Variants in SAMD12 observed in about 807,000 individuals in gnomAD.
SAMD12 encodes sterile alpha motif domain-containing protein 12.
In SAMD12, 9 loss-of-function variants were observed where a neutral mutation model predicts 15.0. The ratio of observed to expected loss-of-function variants is 0.60; its 90% CI spans 0.36 to 1.05. The LOEUF is 1.05. Among genes scored for constraint, SAMD12 ranks in the 50% least tolerant of loss-of-function variants. SAMD12 has a pLI of 0.01. For synonymous variants in SAMD12, 86 were observed against 90.1 expected, an observed-to-expected ratio of 0.96 and a Z score of 0.25; for missense variants, 230 against 234.2, an observed-to-expected ratio of 0.98 and a Z score of 0.12.
intron 1 of SAMD12, among the ~76,000 whole-genome samples, chr8:118,588,626 G>C (rs996464784): frequency 1.3e-5 from 2 of 152,154 alleles, no homozygotes; most frequent in Non-Finnish European, 2.9e-5. Flanking sequence ...CACAGACCAC[G>C]TGGCCTGCAA....
intron 4 of SAMD12, among the ~76,000 whole-genome samples, chr8:118,335,988 C>T (rs184155969): frequency 4.6e-5 from 7 of 152,206 alleles, no homozygotes; most frequent in Admixed American, 1.3e-4. Flanking sequence ...CCTCTGAAAG[C>T]GCTGGGATTA....
chr8:118,420,763 C>T (rs1448664731), intron 3 of SAMD12, among the ~76,000 whole-genome samples: 1 of 152,008 alleles, frequency 6.6e-6, no homozygotes, highest in African/African-American at 2.4e-5. Context: ...AAAAAAGTAG[C>T]ACATTTTTAG....
the SAMD12 span, among the ~76,000 whole-genome samples, chr8:118,152,274 A>C: frequency 6.6e-6 from 1 of 152,198 alleles, no homozygotes; most frequent in African/African-American, 2.4e-5. Flanking sequence ...TCCCCAGAAC[A>C]CAGAACTAGC....
intron 2 of SAMD12, among the ~76,000 whole-genome samples, chr8:118,481,018 C>G (rs1421638853): frequency 1.3e-5 from 2 of 152,248 alleles, no homozygotes; most frequent in Non-Finnish European, 2.9e-5. Flanking sequence ...TCTTGGCTCA[C>G]TGCATCCTCT....
At chr8:118,368,384 C>T (rs1487850929) in intron 4 of SAMD12, among the ~76,000 whole-genome samples, 3 of 152,202 alleles carry the variant, frequency 2.0e-5, no homozygotes, top group Non-Finnish European at 4.4e-5. Context: ...CCATTAGCCG[C>T]TGAGCTCATG....
chr8:118,276,031 G>A (rs972424478), intron 4 of SAMD12, among the ~76,000 whole-genome samples: 7 of 152,138 alleles, frequency 4.6e-5, no homozygotes, highest in African/African-American at 7.2e-5. Context: ...GAGTGCATGT[G>A]TATACAAAAT....
intron 2 of SAMD12, among the ~76,000 whole-genome samples, chr8:118,540,321 T>C (rs1002848171): frequency 1.3e-5 from 2 of 152,172 alleles, no homozygotes; most frequent in Admixed American, 1.3e-4. Context: ...CATTAGTAAT[T>C]TTTTAATTAT....
chr8:118,473,111 G>C (rs977915079), intron 2 of SAMD12, among the ~76,000 whole-genome samples: 1 of 152,094 alleles, frequency 6.6e-6, no homozygotes, highest in Non-Finnish European at 1.5e-5. Flanking sequence ...AAGGTATGTC[G>C]CTCCCTGCCT....
At chr8:118,141,482 A>G in the SAMD12 span, among the ~76,000 whole-genome samples, 1 of 152,222 alleles carries the variant, frequency 6.6e-6, no homozygotes, top group Admixed American at 6.5e-5. Context: ...CTGATAAATA[A>G]CAGAATCAAA....
intron 2 of SAMD12, among the ~76,000 whole-genome samples, chr8:118,522,421 C>T (rs1291521890): frequency 6.6e-6 from 1 of 152,088 alleles, no homozygotes; most frequent in Non-Finnish European, 1.5e-5. Flanking sequence ...ATGTATCAAA[C>T]TGAATTAAGA....
chr8:118,293,373 T>G (rs1814523395), intron 4 of SAMD12, among the ~76,000 whole-genome samples: 1 of 152,226 alleles, frequency 6.6e-6, no homozygotes, highest in Admixed American at 6.5e-5. Context: ...GAAAGTTACT[T>G]TGATGGTTAC....
At chr8:118,443,702 G>C (rs1367637377) in intron 2 of SAMD12, among the ~76,000 whole-genome samples, 1 of 152,150 alleles carries the variant, frequency 6.6e-6, no homozygotes, top group Admixed American at 6.5e-5. Flanking sequence ...AGTTACCCCA[G>C]TCTGCTGCTT....
chr8:118,326,348 C>T (rs1257313253), intron 4 of SAMD12, among the ~76,000 whole-genome samples: 2 of 152,038 alleles, frequency 1.3e-5, no homozygotes, highest in Non-Finnish European at 2.9e-5. Flanking sequence ...CTAAAAGAAG[C>T]CAAAAACTCA....
At chr8:118,314,351 C>T (rs1050308582) in intron 4 of SAMD12, among the ~76,000 whole-genome samples, 1 of 151,828 alleles carries the variant, frequency 6.6e-6, no homozygotes, top group African/African-American at 2.4e-5. Context: ...ACAGGGAGGT[C>T]CTGTGTGTAT....
intron 4 of SAMD12, among the ~76,000 whole-genome samples, chr8:118,244,176 A>G (rs1055504126): frequency 1.3e-5 from 2 of 152,166 alleles, no homozygotes. Context: ...CATACTGCGC[A>G]TATATAAAGG....
At chr8:118,480,854 A>C (rs1431385045) in intron 2 of SAMD12, among the ~76,000 whole-genome samples, 3 of 152,086 alleles carry the variant, frequency 2.0e-5, no homozygotes, top group Non-Finnish European at 2.9e-5. Flanking sequence ...CACCTCCTCC[A>C]TACAATTCCC....
At chr8:118,164,537 A>G in the SAMD12 span, among the ~76,000 whole-genome samples, 763 of 152,200 alleles carry the variant, frequency 5.0e-3, 3 homozygotes, top group Non-Finnish European at 6.2e-3. Flanking sequence ...CTCTTCCAAC[A>G]TAAGCTGTTA....
At chr8:118,334,565 C>T (rs1334432646) in intron 4 of SAMD12, among the ~76,000 whole-genome samples, 1 of 152,038 alleles carries the variant, frequency 6.6e-6, no homozygotes, top group Non-Finnish European at 1.5e-5. Flanking sequence ...GGAATCACAT[C>T]TCCCATAATT....
At chr8:118,526,528 T>C (rs1047834849) in intron 2 of SAMD12, among the ~76,000 whole-genome samples, 1 of 152,038 alleles carries the variant, frequency 6.6e-6, no homozygotes, top group African/African-American at 2.4e-5. Context: ...TGACCAAGTT[T>C]AGCAAGCAGG....
Sources: gnomAD v4.1 joint callset for allele counts (sites outside exome capture counted in the v4.1 genomes callset) on GRCh38, gnomAD v4.1.1 for gene constraint, MANE v1.5 for transcripts, NCBI Gene and HGNC (gene_info 2026-07-23, HGNC 2026-07-21) for gene names.